IL1RAPL1: variants seen among roughly 807,000 people sequenced by gnomAD.
IL1RAPL1 encodes interleukin-1 receptor accessory protein-like 1.
IL1RAPL1 carries 3 observed loss-of-function variants against 48.4 expected under a neutral mutation model. The ratio of observed to expected loss-of-function variants is 0.06; its 90% CI spans 0.03 to 0.16. The LOEUF is 0.16. Ranked by LOEUF, IL1RAPL1 falls within the 10% of genes least tolerant of loss-of-function variation. The probability of loss-of-function intolerance (pLI) is 1.00; values close to 1 mark genes in which losing one functional copy is unlikely to be tolerated. For synonymous variants in IL1RAPL1, 185 were observed against 187.7 expected, an observed-to-expected ratio of 0.99 and a Z score of 0.12; for missense variants, 349 against 530.6, an observed-to-expected ratio of 0.66 and a Z score of 3.36.
intron 6 of IL1RAPL1, among the ~76,000 whole-genome samples, chrX:29,739,464 G>A (rs150723428): frequency 0.029 from 3,195 of 110,684 alleles, 107 homozygotes; most frequent in African/African-American, 0.1. Flanking sequence ...TCACTGTCAG[G>A]GTCATAACTC....
chrX:29,687,341 C>T (rs184529909), intron 6 of IL1RAPL1, among the ~76,000 whole-genome samples: 2 of 112,195 alleles, frequency 1.8e-5, no homozygotes, highest in East Asian at 5.6e-4. Flanking sequence ...GAAATTCTGT[C>T]ATTTGCAGCA....
At chrX:28,718,966 T>C (rs1331232311) in intron 1 of IL1RAPL1, among the ~76,000 whole-genome samples, 4 of 111,952 alleles carry the variant, frequency 3.6e-5, no homozygotes, top group East Asian at 2.8e-4. Context: ...TTTGTTGTTA[T>C]GTTTGTCTGC....
intron 5 of IL1RAPL1, among the ~76,000 whole-genome samples, chrX:29,483,378 G>A (rs1935060607): frequency 8.9e-6 from 1 of 111,745 alleles, no homozygotes; most frequent in Non-Finnish European, 1.9e-5. Flanking sequence ...ATCCTGGGAA[G>A]TATGGTACCC....
At chrX:28,790,366 C>T (rs1306303696) in intron 2 of IL1RAPL1, among the ~76,000 whole-genome samples, 2 of 112,447 alleles carry the variant, frequency 1.8e-5, no homozygotes, top group Non-Finnish European at 3.8e-5. Context: ...AATGAAAGGG[C>T]TGAGATGGGG....
chrX:29,835,250 T>C (rs1166740559), intron 6 of IL1RAPL1, among the ~76,000 whole-genome samples: 1 of 112,013 alleles, frequency 8.9e-6, no homozygotes, highest in African/African-American at 3.3e-5. Flanking sequence ...AAAACTGACA[T>C]AGAAAATTAC....
At chrX:28,781,846 C>T (rs1601901183) in intron 1 of IL1RAPL1, among the ~76,000 whole-genome samples, 1 of 111,342 alleles carries the variant, frequency 9.0e-6, no homozygotes, top group South Asian at 3.7e-4. Flanking sequence ...AATATTCACT[C>T]CCATCATCAG....
chrX:29,250,881 G>C (rs2147573303), intron 2 of IL1RAPL1, among the ~76,000 whole-genome samples: 1 of 111,656 alleles, frequency 9.0e-6, no homozygotes, highest in Admixed American at 9.5e-5. Context: ...GAATCACTTT[G>C]TTTTACCTGG....
At chrX:29,413,153 C>T (rs1281830742) in intron 5 of IL1RAPL1, among the ~76,000 whole-genome samples, 1 of 110,875 alleles carries the variant, frequency 9.0e-6, no homozygotes, top group Non-Finnish European at 1.9e-5. Context: ...TTCCCCTGCA[C>T]ACGCTCTCTT....
chrX:29,129,258 G>T (rs1452059136), intron 2 of IL1RAPL1, among the ~76,000 whole-genome samples: 1 of 110,028 alleles, frequency 9.1e-6, no homozygotes, highest in Non-Finnish European at 1.9e-5. Context: ...GGTCAGGCTG[G>T]TCTCAAACTC....
intron 6 of IL1RAPL1, among the ~76,000 whole-genome samples, chrX:29,688,052 G>A (rs1438597452): frequency 8.9e-6 from 1 of 111,892 alleles, no homozygotes; most frequent in African/African-American, 3.2e-5. Flanking sequence ...TGGGAGTGAG[G>A]TGGAGAAAGA....
At chrX:29,389,989 G>T (rs1459585865) in intron 3 of IL1RAPL1, among the ~76,000 whole-genome samples, 1 of 111,906 alleles carries the variant, frequency 8.9e-6, no homozygotes, top group Non-Finnish European at 1.9e-5. Context: ...AGAAAGATAA[G>T]ATATAAGAGA....
rs759548796 is a variant in IL1RAPL1, at chrX:28,897,484, C to T, written c.82+108059C>T. The stretch of plus-strand genomic sequence containing the variant: ...AGAGAAGGGAGAGATTGAAGTGTGG[C>T]GCCAAGATTGAAAGGAGAAAGAGGT... On this transcript the variant is annotated intron_variant, in intron 2 of 10. Coordinates refer to ENST00000378993, the MANE Select transcript of IL1RAPL1 (RefSeq NM_014271.4). Among the ~76,000 whole-genome samples the T allele has an allele frequency of 1.2e-4, 12 of 99,038 alleles. No individual in the cohort carries two copies. In the South Asian group the frequency reaches 3.5e-3, roughly 29 times the overall value. 86.0% of individuals were successfully genotyped at this position (99,038 alleles called of 115,157 possible).
At chrX:29,425,404 T>TGC (rs1427991830) in intron 5 of IL1RAPL1, among the ~76,000 whole-genome samples, 3 of 110,778 alleles carry the variant, frequency 2.7e-5, no homozygotes, top group Non-Finnish European at 5.7e-5. Flanking sequence ...ACTGTTTGTC[T>TGC]GCTTTCTGTT....
chrX:28,721,433 A>G (rs1935577632), intron 1 of IL1RAPL1, among the ~76,000 whole-genome samples: 1 of 110,921 alleles, frequency 9.0e-6, no homozygotes. Flanking sequence ...CCACTTTTTG[A>G]TGGGGTTGTT....
chrX:28,646,931 G>A (rs1244901246), intron 1 of IL1RAPL1, among the ~76,000 whole-genome samples: 1 of 111,902 alleles, frequency 8.9e-6, no homozygotes, highest in East Asian at 2.8e-4. Flanking sequence ...TAGTTCCCCA[G>A]TAGCCTTGAA....
In IL1RAPL1 at chrX:29,325,163, A is replaced by C. The variant is rs775628075; in HGVS notation, c.362+41946A>C. 2.7e-5 allele frequency among the ~76,000 whole-genome samples: 3 copies of C among 112,240 alleles called. No homozygotes were observed. In the South Asian group the frequency reaches 1.1e-3, roughly 41 times the overall value. ...TGATATTGACAATTAAAAAGAATGA[A>C]GTATGCATATATGTCTCAATCATCC... On this transcript the variant is annotated intron_variant, in intron 3 of 10. Transcript: ENST00000378993.
rs1188162167 is a variant in IL1RAPL1 at position 29,803,207 on chromosome X, A to G, written c.779-114257A>G. ...TGTATATATGTATACATATACACAC[A>G]TGTATATATGTATACATATACACAC... is the stretch of plus-strand genomic sequence containing the variant. On this transcript the variant is annotated intron_variant, in intron 6 of 10. Transcript: ENST00000378993. Among the ~76,000 whole-genome samples, 11 of 36,789 alleles carry G rather than the reference A, an allele frequency of 3.0e-4. 2 individuals are homozygous for G. Among genetic ancestry groups the G allele is most frequent in the African/African-American group, 1.2e-3 (10 of 8,487 alleles). 31.9% of individuals were successfully genotyped at this position (36,789 alleles called of 115,157 possible).
chrX:29,679,847 A>G (rs995226230), intron 6 of IL1RAPL1, among the ~76,000 whole-genome samples: 3 of 111,924 alleles, frequency 2.7e-5, no homozygotes, highest in African/African-American at 9.7e-5. Flanking sequence ...ATCGGTGACT[A>G]TTATGAAAGA....
chrX:29,463,203 A>G (rs1470186851), intron 5 of IL1RAPL1, among the ~76,000 whole-genome samples: 1 of 111,610 alleles, frequency 9.0e-6, no homozygotes, highest in East Asian at 2.8e-4. Flanking sequence ...TCAAAAAAAA[A>G]AAAACCCACA....
Sources: allele counts gnomAD v4.1 joint callset (sites outside exome capture counted in the v4.1 genomes callset), GRCh38; gene constraint gnomAD v4.1.1; transcripts MANE v1.5; gene names NCBI Gene and HGNC (gene_info 2026-07-23, HGNC 2026-07-21).